MAPKBP1: variants seen among roughly 807,000 people sequenced by gnomAD.
The protein encoded by MAPKBP1 is mitogen-activated protein kinase binding protein 1.
MAPKBP1 carries 71 observed loss-of-function variants against 170.5 expected under a neutral mutation model. The ratio of observed to expected loss-of-function variants is 0.42; its 90% CI spans 0.34 to 0.51. The LOEUF (loss-of-function observed/expected upper bound fraction) is 0.51. MAPKBP1 is among the 20% of genes least tolerant of loss of function. MAPKBP1 has a pLI of 0.06. For missense variants in MAPKBP1, 1,598 were observed against 1,933.0 expected (o/e 0.83, Z 3.25); for synonymous variants, 719 against 757.9 (o/e 0.95, Z 0.84).
chr15:41,824,113 CTCTGTTG>C, intron 29 of MAPKBP1, 52 bp downstream of exon 29: 1 of 1,538,084 alleles, frequency 6.5e-7, no homozygotes, highest in African/African-American at 1.4e-5. Context: ...ACTCTCCCCT[CTCTGTTG>C]GCCGCTGTCT....
intron 2 of MAPKBP1, among the ~76,000 whole-genome samples, chr15:41,782,421 G>T (rs1165353672): frequency 6.6e-6 from 1 of 152,186 alleles, no homozygotes; most frequent in Admixed American, 6.5e-5. Context: ...GGGACGTGAT[G>T]CGAATGTTGT....
chr15:41,820,715 G>A (rs376096483), intron 22 of MAPKBP1, 117 bp from the exon 23 acceptor site: 1 of 723,956 alleles, frequency 1.4e-6, no homozygotes. Flanking sequence ...GTTGCTGTGA[G>A]GATGAAGTAA....
At chr15:41,808,846 A>G (rs554830446) in intron 3 of MAPKBP1, among the ~76,000 whole-genome samples, 1 of 152,092 alleles carries the variant, frequency 6.6e-6, no homozygotes, top group Non-Finnish European at 1.5e-5. Context: ...AAAGTGGTAT[A>G]AAAAGAGAAA....
intron 3 of MAPKBP1, among the ~76,000 whole-genome samples, chr15:41,806,187 C>G (rs1378093610): frequency 1.3e-5 from 2 of 152,210 alleles, no homozygotes; most frequent in Non-Finnish European, 2.9e-5. Flanking sequence ...ATCCCCACCC[C>G]CAGTGTAAGT....
Position 41,775,162 on chromosome 15 carries a change from C to G in MAPKBP1, c.-109-5C>G, listed in dbSNP as rs1220862772. The G allele has an allele frequency of 6.6e-6, 5 of 760,900 alleles. 1 individual carries two copies. In the Admixed American group the frequency reaches 1.2e-4, roughly 18 times the overall value. The allele number at this position is 760,900 out of a possible 1,614,324, so 47.1% of individuals were successfully genotyped here. A position where few individuals can be genotyped will look rare whatever the true frequency, so the allele number is the denominator to read the frequency against. On this transcript the variant is annotated splice_polypyrimidine_tract_variant and splice_region_variant and intron_variant, in intron 1 of 30. Transcript: ENST00000457542. Reference sequence around the variant, plus strand: ...GTGATACTAAGGTGGCTTCTGCCATCTCAGGTCAGTGAGAGGGCATACTGG... The same window carrying G: ...GTGATACTAAGGTGGCTTCTGCCATGTCAGGTCAGTGAGAGGGCATACTGG...
intron 5 of MAPKBP1, 76 bp from the exon 6 acceptor site, chr15:41,811,881 C>G (rs879070269): frequency 1.3e-6 from 2 of 1,517,782 alleles, no homozygotes; most frequent in Non-Finnish European, 1.8e-6. Flanking sequence ...GCGAGGGCCC[C>G]GCTCTGGAAG....
intron 2 of MAPKBP1, among the ~76,000 whole-genome samples, chr15:41,799,389 T>C (rs1374579448): frequency 6.6e-6 from 1 of 152,154 alleles, no homozygotes; most frequent in Non-Finnish European, 1.5e-5. Context: ...TTCTTTTGGC[T>C]CTTGGTAGGT....
intron 2 of MAPKBP1, among the ~76,000 whole-genome samples, chr15:41,795,130 A>C (rs1596072966): frequency 6.8e-6 from 1 of 147,044 alleles, no homozygotes; most frequent in South Asian, 2.2e-4. Flanking sequence ...ATACCACTGC[A>C]CTCCAGCCTG....
intron 3 of MAPKBP1, among the ~76,000 whole-genome samples, chr15:41,806,622 C>A (rs566716262): frequency 6.6e-6 from 1 of 152,336 alleles, no homozygotes; most frequent in South Asian, 2.1e-4. Context: ...CTCCCCCAGG[C>A]TGAGGCCTTA....
At chr15:41,781,470 C>G (rs1295467222) in intron 2 of MAPKBP1, among the ~76,000 whole-genome samples, 1 of 149,890 alleles carries the variant, frequency 6.7e-6, no homozygotes, top group African/African-American at 2.5e-5. Context: ...TGTAATGAAG[C>G]TAAAGATATT....
intron 2 of MAPKBP1, among the ~76,000 whole-genome samples, chr15:41,797,524 C>T (rs1256126777): frequency 1.3e-5 from 2 of 152,118 alleles, no homozygotes; most frequent in African/African-American, 4.8e-5. Flanking sequence ...TGAGTATCCC[C>T]CAGACTTCCC....
chr15:41,791,714 C>T (rs2064398678), intron 2 of MAPKBP1, among the ~76,000 whole-genome samples: 1 of 152,182 alleles, frequency 6.6e-6, no homozygotes, highest in Non-Finnish European at 1.5e-5. Flanking sequence ...TCATTTCTTT[C>T]AGCACTCACT....
At position 41,818,442 on chromosome 15, in the gene MAPKBP1, G is replaced by A. The variant is rs1056740701; in HGVS notation, c.2093-77G>A. On this transcript the variant is annotated intron_variant, in intron 18 of 30. Coordinates refer to ENST00000457542, the MANE Select transcript of MAPKBP1 (RefSeq NM_014994.3). This position sits in a 1 kb window ranked among gnomAD's most constrained non-coding sequence, Gnocchi z 5.2. ...TATCCCTACCCTGCAGCCAACCCCC[G>A]TGTCCACTGTTGGGATGGAGAGGAC... 42 of 1,479,932 alleles carry A rather than the reference G, an allele frequency of 2.8e-5. No individual in the cohort carries two copies. The highest frequency in any genetic ancestry group is 1.9e-4 in the Admixed American group (11 of 58,272). 91.7% of individuals were successfully genotyped at this position (1,479,932 alleles called of 1,614,324 possible).
In MAPKBP1 at chr15:41,824,583, GC is replaced by G; in HGVS notation, c.4299+20del. ...CTCTACCACTCGGTGGGTGTTAGGT[GC>G]CCCCCGGCAGGAAGGCGGGCACGTC... is the stretch of plus-strand genomic sequence containing the variant. On this transcript the variant is annotated intron_variant, in intron 30 of 30. Transcript: ENST00000457542. 5.7e-6 allele frequency: 9 copies of G among 1,581,210 alleles called. No individual in the cohort carries two copies. The highest frequency in any genetic ancestry group is 2.3e-5 in the East Asian group (1 of 43,780).
Position 41,823,636 on chromosome 15 carries a change from G to A in MAPKBP1, c.3788G>A (p.Gly1263Asp). 1.9e-6 allele frequency: 3 copies of A among 1,614,120 alleles called. No homozygotes were observed. The highest frequency in any genetic ancestry group is 2.5e-6 in the Non-Finnish European group (3 of 1,180,014). ...SRSISVGENL[G>D]LVAEPQAHAP... The stretch of plus-strand genomic sequence containing the variant: ...AGTATCTCTGTTGGGGAGAACCTGG[G>A]CCTGGTGGCTGAACCTCAAGCTCAT... Residue 1263 changes from glycine to aspartate, a missense_variant, in exon 29 of 31, where the codon GGC (glycine) becomes GAC (aspartate). Physicochemically the swap from Gly to Asp is moderately conservative, Grantham distance 94 (BLOSUM62 -1). Transcript: ENST00000457542.
intron 2 of MAPKBP1, among the ~76,000 whole-genome samples, chr15:41,780,759 TA>T (rs5812202): frequency 0.022 from 3,034 of 138,854 alleles, 32 homozygotes; most frequent in African/African-American, 0.028. Context: ...TCTGTTACCT[TA>T]AAAAAAAAAA....
chr15:41,798,390 C>G (rs1567141254), intron 2 of MAPKBP1, among the ~76,000 whole-genome samples: 1 of 151,508 alleles, frequency 6.6e-6, no homozygotes, highest in Non-Finnish European at 1.5e-5. Flanking sequence ...TCAAATGAAT[C>G]TCATGCCTCA....
Position 41,821,766 on chromosome 15 carries a change from T to C in MAPKBP1, c.2885+16T>C. 5 of 1,611,886 alleles carry C rather than the reference T, an allele frequency of 3.1e-6. No individual in the cohort carries two copies. Among genetic ancestry groups the C allele is most frequent in the Non-Finnish European group, 4.2e-6 (5 of 1,179,518 alleles). ...TGGATACCAGGCAAGGATCCTGCCC[T>C]AGCCAGACCCCGTGCCCCCGTCTTC... On this transcript the variant is annotated intron_variant, in intron 24 of 30. Transcript: ENST00000457542.
chr15:41,792,159 A>T (rs781254427), intron 2 of MAPKBP1, among the ~76,000 whole-genome samples: 3 of 150,424 alleles, frequency 2.0e-5, no homozygotes, highest in Non-Finnish European at 4.4e-5. Context: ...TTTTCCATCT[A>T]CTTTAATGAG....
Sources: gnomAD v4.1 joint callset for allele counts (sites outside exome capture counted in the v4.1 genomes callset) on GRCh38, gnomAD v4.1.1 for gene constraint, Gnocchi (gnomAD v3.1) non-coding constraint, MANE v1.5 for transcripts, NCBI Gene and HGNC (gene_info 2026-07-23, HGNC 2026-07-21) for gene names.